Variants in PTPRN2 observed in about 807,000 individuals in gnomAD.
PTPRN2 encodes the protein protein tyrosine phosphatase receptor type N2.
A neutral mutation model predicts 118.8 loss-of-function variants in PTPRN2; 74 were observed. The observed-to-expected ratio is 0.62, with a 90% CI of 0.52 to 0.76. The LOEUF (loss-of-function observed/expected upper bound fraction) is 0.76, where lower values mean the gene tolerates loss of function less well. PTPRN2 is among the 30% of genes least tolerant of loss of function. The pLI is 0.00. For missense variants in PTPRN2, 1,481 were observed against 1,394.4 expected (o/e 1.06, Z -0.99); for synonymous variants, 641 against 608.0 (o/e 1.05, Z -0.80).
chr7:157,848,442 T>C (rs1208360468), intron 12 of PTPRN2, among the ~76,000 whole-genome samples: 1 of 152,126 alleles, frequency 6.6e-6, no homozygotes, highest in African/African-American at 2.4e-5. Flanking sequence ...GTGCCTGATG[T>C]TTACAGAGCC....
chr7:158,079,748 C>A (rs765446779), intron 11 of PTPRN2, among the ~76,000 whole-genome samples: 1 of 152,202 alleles, frequency 6.6e-6, no homozygotes, highest in Non-Finnish European at 1.5e-5. Context: ...GCTCTGGCAG[C>A]CACGAGGCAC....
intron 9 of PTPRN2, among the ~76,000 whole-genome samples, chr7:158,131,197 C>A (rs185184661): frequency 6.6e-5 from 10 of 151,866 alleles, no homozygotes; most frequent in African/African-American, 2.2e-4. Flanking sequence ...ACCTGACATA[C>A]ACACTCATAT....
intron 2 of PTPRN2, among the ~76,000 whole-genome samples, chr7:158,324,753 C>G (rs1342806071): frequency 2.0e-5 from 3 of 152,092 alleles, no homozygotes; most frequent in Non-Finnish European, 4.4e-5. Flanking sequence ...TACTGAGCCT[C>G]CACTCTCTGT....
At chr7:157,925,850 C>T (rs997236341) in intron 11 of PTPRN2, among the ~76,000 whole-genome samples, 5 of 151,992 alleles carry the variant, frequency 3.3e-5, no homozygotes, top group South Asian at 2.1e-4. Flanking sequence ...GAGGAAAACA[C>T]GGGCCACTCT....
At chr7:158,033,814 G>T (rs1477059589) in intron 11 of PTPRN2, among the ~76,000 whole-genome samples, 2 of 150,118 alleles carry the variant, frequency 1.3e-5, no homozygotes, top group Non-Finnish European at 3.0e-5. Context: ...TGCACGCTGA[G>T]ACCTCGATAG....
At chr7:158,473,808 G>C (rs370912631) in intron 2 of PTPRN2, among the ~76,000 whole-genome samples, 1 of 145,640 alleles carries the variant, frequency 6.9e-6, no homozygotes, top group African/African-American at 2.5e-5. Flanking sequence ...TTTAAAAAAA[G>C]GTTGGCTATA....
chr7:158,147,728 C>G (rs1820303226), intron 6 of PTPRN2, among the ~76,000 whole-genome samples: 8 of 143,218 alleles, frequency 5.6e-5, no homozygotes, highest in Admixed American at 6.8e-5. Context: ...CACCCCATCT[C>G]ACGCCACGTG....
intron 22 of PTPRN2, among the ~76,000 whole-genome samples, chr7:157,545,802 G>A (rs531070673): frequency 6.6e-6 from 1 of 152,286 alleles, no homozygotes; most frequent in South Asian, 2.1e-4. Context: ...GCTCACCCTC[G>A]ACGGCTCGCT....
chr7:157,819,464 G>A (rs567185044), intron 12 of PTPRN2, among the ~76,000 whole-genome samples: 1 of 152,262 alleles, frequency 6.6e-6, no homozygotes, highest in African/African-American at 2.4e-5. Flanking sequence ...GCGCCCTGCA[G>A]GCTCACAGCG....
At chr7:158,126,487 C>G (rs113004140) in intron 9 of PTPRN2, among the ~76,000 whole-genome samples, 2 of 55,204 alleles carry the variant, frequency 3.6e-5, no homozygotes, top group African/African-American at 1.9e-4. Flanking sequence ...GCCACACCAG[C>G]CCCCAGGACA....
chr7:158,260,947 G>A (rs1256697563), intron 3 of PTPRN2, among the ~76,000 whole-genome samples: 2 of 152,138 alleles, frequency 1.3e-5, no homozygotes, highest in East Asian at 1.9e-4. Flanking sequence ...GGAGGCAGAC[G>A]GGCAGGAGGG....
intron 6 of PTPRN2, among the ~76,000 whole-genome samples, chr7:158,149,231 C>T (rs771530234): frequency 1.7e-4 from 26 of 152,026 alleles, no homozygotes; most frequent in Middle Eastern, 3.4e-3. Context: ...GCTCTCCAAG[C>T]TGGCACCAAT....
At chr7:158,419,568 G>T (rs1698335122) in intron 2 of PTPRN2, among the ~76,000 whole-genome samples, 1 of 152,158 alleles carries the variant, frequency 6.6e-6, no homozygotes, top group South Asian at 2.1e-4. Flanking sequence ...CCTGCTCTGG[G>T]AGTGTCAGCC....
At chr7:157,664,181 C>T (rs559701831) in intron 13 of PTPRN2, among the ~76,000 whole-genome samples, 48 of 152,346 alleles carry the variant, frequency 3.2e-4, no homozygotes, top group African/African-American at 1.1e-3. Flanking sequence ...AAAAGGCAGT[C>T]GCATCCACGG....
intron 12 of PTPRN2, among the ~76,000 whole-genome samples, chr7:157,811,188 A>G (rs28416153): frequency 0.19 from 29,214 of 150,456 alleles, 3,550 homozygotes; most frequent in African/African-American, 0.33. Flanking sequence ...GGAGAATGGC[A>G]TGAACCCGGG....
At chr7:158,325,412 C>T (rs951878140) in intron 2 of PTPRN2, among the ~76,000 whole-genome samples, 5 of 151,766 alleles carry the variant, frequency 3.3e-5, no homozygotes, top group African/African-American at 1.2e-4. Flanking sequence ...TATAACAGGA[C>T]TTGGGAATTA....
chr7:158,522,391 A>G (rs1246703280), intron 1 of PTPRN2, among the ~76,000 whole-genome samples: 5 of 143,058 alleles, frequency 3.5e-5, no homozygotes, highest in East Asian at 2.0e-4. Flanking sequence ...GGTCCACGTC[A>G]CAATGGTGGA....
intron 1 of PTPRN2, chr7:158,537,449 C>T (rs1825714165): frequency 1.3e-5 from 2 of 152,262 alleles, no homozygotes; most frequent in Admixed American, 1.3e-4. Context: ...CAAGGACAGG[C>T]CAGCGGGGGC....
At chr7:158,071,399 C>CCTG (rs1312383372) in intron 11 of PTPRN2, among the ~76,000 whole-genome samples, 314 of 20,768 alleles carry the variant, frequency 0.015, 11 homozygotes, top group African/African-American at 0.021. Context: ...TGGAGGTGCT[C>CCTG]GTGGTGGAGT....
Sources: gnomAD v4.1 joint callset for allele counts (sites outside exome capture counted in the v4.1 genomes callset) on GRCh38, gnomAD v4.1.1 for gene constraint, MANE v1.5 for transcripts, NCBI Gene and HGNC (gene_info 2026-07-23, HGNC 2026-07-21) for gene names.